AKAP7: variants seen among roughly 807,000 people sequenced by gnomAD.
AKAP7 encodes the protein A-kinase anchoring protein 7, also known as A kinase (PRKA) anchor protein 7.
A neutral mutation model predicts 39.5 loss-of-function variants in AKAP7; 39 were observed. That is an observed-to-expected ratio of 0.99 (90% CI 0.76 to 1.29). The LOEUF (loss-of-function observed/expected upper bound fraction) is 1.29. Among genes scored for constraint, AKAP7 ranks in the 50% most tolerant of loss-of-function variants. The probability of loss-of-function intolerance (pLI) is 0.00; values close to 1 mark genes in which losing one functional copy is unlikely to be tolerated. For missense variants in AKAP7, 414 were observed against 407.7 expected (o/e 1.02, Z -0.13); for synonymous variants, 140 against 139.1 (o/e 1.01, Z -0.05).
chr6:131,224,977 G>A (rs916828613), intron 7 of AKAP7, among the ~76,000 whole-genome samples: 6 of 151,278 alleles, frequency 4.0e-5, no homozygotes, highest in Non-Finnish European at 7.4e-5. Context: ...GGCTGGTATC[G>A]AACTCCTGAC....
intron 5 of AKAP7, among the ~76,000 whole-genome samples, chr6:131,185,736 T>C (rs1043632280): frequency 2.0e-5 from 3 of 152,246 alleles, no homozygotes; most frequent in Non-Finnish European, 1.5e-5. Context: ...TTATCAGATA[T>C]ACGATTTGCA....
chr6:131,186,292 C>T (rs1354045615), intron 5 of AKAP7, among the ~76,000 whole-genome samples: 1 of 152,100 alleles, frequency 6.6e-6, no homozygotes, highest in African/African-American at 2.4e-5. Flanking sequence ...ATGCCCGCTC[C>T]CCTGTGCCTT....
rs185813169 is a variant in AKAP7 at position 131,249,294 on chromosome 6, T to C, written c.850+29486T>C. Reference sequence around the variant, plus strand: ...GCATCAAAATTATCAAAATTCTATCTTTCAGAAAAAAAGCATTGAAAACAG... The same window carrying C: ...GCATCAAAATTATCAAAATTCTATCCTTCAGAAAAAAAGCATTGAAAACAG... On this transcript the variant is annotated intron_variant, in intron 7 of 7. Transcript: ENST00000431975. 1.3e-5 allele frequency among the ~76,000 whole-genome samples: 2 copies of C among 152,302 alleles called. 1 individual carries two copies. The highest frequency in any genetic ancestry group is 3.9e-4 in the East Asian group (2 of 5,194).
intron 7 of AKAP7, among the ~76,000 whole-genome samples, chr6:131,233,045 A>G (rs923759014): frequency 2.6e-5 from 4 of 152,040 alleles, no homozygotes; most frequent in African/African-American, 7.2e-5. Context: ...TAACTTTTGC[A>G]TACAATATTT....
rs201697430 is a variant in AKAP7, at chr6:131,179,175, TTTTG to T, written c.589+9914_589+9917del. Among the ~76,000 whole-genome samples the T allele has an allele frequency of 5.0e-3, 765 of 152,212 alleles. 8 individuals carry two copies. The highest frequency in any genetic ancestry group is 0.017 in the African/African-American group (720 of 41,522). ...TACCTTATTGTCTATTCGGTTTTTT[TTTTG>T]TTTGTTTGTTTTGAGATGGAGTCTC... On this transcript the variant is annotated intron_variant, in intron 5 of 7. Transcript: ENST00000431975.
intron 4 of AKAP7, among the ~76,000 whole-genome samples, chr6:131,166,245 T>C (rs1803478424): frequency 1.3e-5 from 2 of 152,106 alleles, no homozygotes; most frequent in South Asian, 4.1e-4. Flanking sequence ...CCTGACTTTG[T>C]CTGATCACTT....
chr6:131,222,296 C>T (rs908112043), intron 7 of AKAP7, among the ~76,000 whole-genome samples: 6 of 152,252 alleles, frequency 3.9e-5, no homozygotes, highest in Admixed American at 1.3e-4. Context: ...GAGGCCAAGG[C>T]GGGCGGATCA....
intron 7 of AKAP7, among the ~76,000 whole-genome samples, chr6:131,254,361 T>A (rs1477685334): frequency 6.6e-6 from 1 of 152,236 alleles, no homozygotes; most frequent in African/African-American, 2.4e-5. Context: ...CTGAAAGGAA[T>A]GTCTATCATG....
At chr6:131,241,879 A>G (rs747229540) in intron 7 of AKAP7, among the ~76,000 whole-genome samples, 66 of 152,244 alleles carry the variant, frequency 4.3e-4, no homozygotes, top group Admixed American at 6.5e-4. Flanking sequence ...TGGTCTGTGG[A>G]ACATCAGTAG....
chr6:131,222,596 A>T (rs1809805545), intron 7 of AKAP7, among the ~76,000 whole-genome samples: 1 of 152,142 alleles, frequency 6.6e-6, no homozygotes, highest in Non-Finnish European at 1.5e-5. Flanking sequence ...GATGGGATTG[A>T]ATTGCTGTAA....
intron 7 of AKAP7, among the ~76,000 whole-genome samples, chr6:131,267,971 T>C (rs1813953116): frequency 6.6e-6 from 1 of 151,680 alleles, no homozygotes; most frequent in Non-Finnish European, 1.5e-5. Flanking sequence ...GGATGCTCAA[T>C]GAATACTTGG....
chr6:131,274,455 C>A (rs1814574544), intron 7 of AKAP7, among the ~76,000 whole-genome samples: 1 of 152,130 alleles, frequency 6.6e-6, no homozygotes, highest in Non-Finnish European at 1.5e-5. Context: ...CCTACTGCAT[C>A]TACCATGGTT....
upstream of AKAP7, among the ~76,000 whole-genome samples, chr6:131,134,243 G>T (rs4897503): frequency 0.23 from 34,828 of 152,110 alleles, 4,666 homozygotes; most frequent in Non-Finnish European, 0.29. Flanking sequence ...AAGTGTTGGG[G>T]TTACAAGCGT....
intron 1 of AKAP7, among the ~76,000 whole-genome samples, chr6:131,144,876 A>G (rs1801349478): frequency 6.6e-6 from 1 of 152,230 alleles, no homozygotes; most frequent in Non-Finnish European, 1.5e-5. Context: ...ATTATAGGCC[A>G]GAACTTGTAC....
At chr6:131,166,954 A>T (rs1178976262) in intron 4 of AKAP7, among the ~76,000 whole-genome samples, 1 of 83,686 alleles carries the variant, frequency 1.2e-5, no homozygotes, top group African/African-American at 3.4e-5. Flanking sequence ...GCAGATACTT[A>T]AAAAAATCAT....
At chr6:131,215,393 G>A (rs1195793349) in intron 6 of AKAP7, among the ~76,000 whole-genome samples, 1 of 152,170 alleles carries the variant, frequency 6.6e-6, no homozygotes, top group Non-Finnish European at 1.5e-5. Context: ...TGCTATTCTG[G>A]AGCTCATTGG....
intron 3 of AKAP7, among the ~76,000 whole-genome samples, chr6:131,163,895 C>T (rs900248657): frequency 2.0e-5 from 3 of 151,876 alleles, no homozygotes; most frequent in African/African-American, 7.3e-5. Context: ...AGCATTCTTG[C>T]TCAAACTAAA....
upstream of AKAP7, among the ~76,000 whole-genome samples, chr6:131,130,771 A>T (rs1800308671): frequency 6.6e-6 from 1 of 152,150 alleles, no homozygotes; most frequent in Admixed American, 6.5e-5. Flanking sequence ...GCTTAGAATG[A>T]TTCATTAGAT....
chr6:131,155,489 A>T (rs1248803623), intron 2 of AKAP7, among the ~76,000 whole-genome samples: 1 of 152,182 alleles, frequency 6.6e-6, no homozygotes, highest in Admixed American at 6.5e-5. Flanking sequence ...ATTGATGGTC[A>T]TTGGGTTGAT....
Sources: allele counts gnomAD v4.1 joint callset (sites outside exome capture counted in the v4.1 genomes callset), GRCh38; gene constraint gnomAD v4.1.1; transcripts MANE v1.5; gene names NCBI Gene and HGNC (gene_info 2026-07-23, HGNC 2026-07-21).